The following RBFOX2 variants were observed in gnomAD, a reference collection of about 807,000 sequenced individuals.
The protein encoded by RBFOX2 is RNA binding protein fox-1 homolog 2.
In RBFOX2, 10 loss-of-function variants were observed where a neutral mutation model predicts 49.1. That is an observed-to-expected ratio of 0.20 (90% confidence interval 0.13 to 0.35). The LOEUF (loss-of-function observed/expected upper bound fraction) is 0.35, where lower values mean the gene tolerates loss of function less well. RBFOX2 is among the 10% of genes least tolerant of loss of function. The probability of loss-of-function intolerance (pLI) is 1.00; values close to 1 mark genes in which losing one functional copy is unlikely to be tolerated. For synonymous variants in RBFOX2, 183 were observed against 187.4 expected (o/e 0.98, Z 0.19); for missense variants, 323 against 486.9 (o/e 0.66, Z 3.17).
At position 35,933,949 on chromosome 22, in the gene RBFOX2, T is replaced by TAC. The variant is rs1259956978; in HGVS notation, c.-34+4897_-34+4898insGT. 9.6e-4 allele frequency among the ~76,000 whole-genome samples: 139 copies of TAC among 144,434 alleles called. 2 individuals carry two copies. The highest frequency in any genetic ancestry group is 3.4e-3 in the African/African-American group (130 of 38,178). 94.8% of individuals were successfully genotyped at this position (144,434 alleles called of 152,430 possible). ...TGTTATATATATATATATATATATA[T>TAC]ATATACACACATCAATGAAATAAAT... On this transcript the variant is annotated intron_variant, in intron 1 of 13. Transcript: ENST00000359369.
At chr22:35,823,916 G>A (rs925750853) in intron 1 of RBFOX2, among the ~76,000 whole-genome samples, 4 of 152,130 alleles carry the variant, frequency 2.6e-5, no homozygotes, top group African/African-American at 7.2e-5. Flanking sequence ...GTGGAAGGCC[G>A]AGGCGGGTGG....
Position 36,019,095 on chromosome 22 carries a change from C to T in RBFOX2, c.186+9145G>A, listed in dbSNP as rs559240513. ...AACAAAACTTATAAAATTTGAAACA[C>T]GACATTTTTACTGTTCCTGCCTTCC... On this transcript the variant is annotated intron_variant, in intron 1 of 13. Coordinates refer to the RBFOX2 transcript ENST00000438146. Among the ~76,000 whole-genome samples the T allele has an allele frequency of 7.2e-5, 11 of 152,288 alleles. No individual in the cohort carries two copies. The East Asian group carries it at 1.9e-3, about 27-fold the overall frequency.
rs376472672 is a variant in RBFOX2, at chr22:35,927,141, C to T, written c.-34+11706G>A. Among the ~76,000 whole-genome samples, 63 of 152,184 alleles carry T rather than the reference C, an allele frequency of 4.1e-4. 1 individual carries two copies. The South Asian group carries it at 9.5e-3, about 23-fold the overall frequency. ...TACAGACATGTTAAACGATTTGAAA[C>T]AATCAGAGGCAATAAGGAAAAATTT... On this transcript the variant is annotated intron_variant, in intron 1 of 13. Coordinates refer to the RBFOX2 transcript ENST00000359369.
chr22:35,793,583 A>G (rs1948202237), intron 2 of RBFOX2, among the ~76,000 whole-genome samples: 1 of 152,218 alleles, frequency 6.6e-6, no homozygotes, highest in Admixed American at 6.5e-5. Flanking sequence ...ATATAAGACA[A>G]TTATAATCAA....
At chr22:35,771,661 C>T (rs1389232418) in intron 4 of RBFOX2, among the ~76,000 whole-genome samples, 1 of 152,160 alleles carries the variant, frequency 6.6e-6, no homozygotes, top group Admixed American at 6.5e-5. Flanking sequence ...ATACTTTTCT[C>T]TCATGTTTAA....
intron 1 of RBFOX2, among the ~76,000 whole-genome samples, chr22:35,886,303 T>C (rs1004208413): frequency 2.6e-5 from 4 of 152,112 alleles, no homozygotes; most frequent in Admixed American, 1.3e-4. Flanking sequence ...TATTTAATAA[T>C]AGTGAAAGAT....
At chr22:35,828,330 T>C (rs978096751) in intron 1 of RBFOX2, among the ~76,000 whole-genome samples, 7 of 152,138 alleles carry the variant, frequency 4.6e-5, no homozygotes, top group South Asian at 2.1e-4. Flanking sequence ...CCCCAACTTA[T>C]CACATGGATA....
At chr22:35,840,119 T>C in intron 1 of RBFOX2, 1 of 1,548,438 alleles carries the variant, frequency 6.5e-7, no homozygotes, top group Non-Finnish European at 8.9e-7. Flanking sequence ...CTTCTTACTA[T>C]ACTCCACCCT....
intron 1 of RBFOX2, among the ~76,000 whole-genome samples, chr22:35,877,952 A>G (rs2045353092): frequency 6.6e-6 from 1 of 152,096 alleles, no homozygotes; most frequent in South Asian, 2.1e-4. Context: ...AGCAGCGAAT[A>G]CACCAGACAA....
chr22:35,794,437 T>C lies in RBFOX2; in HGVS notation c.253-12691A>G, dbSNP rs1026286236. Among the ~76,000 whole-genome samples the C allele has an allele frequency of 5.3e-5, 8 of 152,154 alleles. No individual in the cohort carries two copies. In the East Asian group the frequency reaches 1.5e-3, roughly 29 times the overall value. ...ACTTTGGGAGGCTGAGGCAGGTGGA[T>C]CACAAGGTCAGGAGATCGGGACCAT... On this transcript the variant is annotated intron_variant, in intron 2 of 11. Coordinates refer to ENST00000405409, the Ensembl canonical transcript of RBFOX2.
At chr22:35,984,743 A>T (rs1004929413) in intron 1 of RBFOX2, among the ~76,000 whole-genome samples, 2 of 152,190 alleles carry the variant, frequency 1.3e-5, no homozygotes, top group African/African-American at 4.8e-5. Context: ...CGAAAGAAGC[A>T]CAAGAATATA....
intron 1 of RBFOX2, among the ~76,000 whole-genome samples, chr22:35,960,085 C>A (rs1337522829): frequency 3.9e-5 from 6 of 152,118 alleles, no homozygotes; most frequent in Non-Finnish European, 1.5e-5. Flanking sequence ...CCCACAGATA[C>A]AATACGCCAA....
rs187361290 is a variant in RBFOX2, at chr22:35,932,153, G to C, written c.-34+6694C>G. Among the ~76,000 whole-genome samples, 3 of 151,962 alleles carry C rather than the reference G, an allele frequency of 2.0e-5. No homozygotes were observed. The East Asian group carries it at 5.8e-4, about 29-fold the overall frequency. On this transcript the variant is annotated intron_variant, in intron 1 of 13. Transcript: ENST00000359369. ...GTCCTCCATTCCACCAACTATCCCCGAGGGAAGAAAAGTAGTCATCATTTC... is the reference window on the plus strand; with the variant it reads ...GTCCTCCATTCCACCAACTATCCCCCAGGGAAGAAAAGTAGTCATCATTTC...
At chr22:35,880,297 A>G (rs2045717110) in intron 1 of RBFOX2, among the ~76,000 whole-genome samples, 2 of 152,208 alleles carry the variant, frequency 1.3e-5, no homozygotes, top group Non-Finnish European at 2.9e-5. Flanking sequence ...AGCTCAAGTA[A>G]CAGAAAGATG....
intron 9 of RBFOX2, among the ~76,000 whole-genome samples, chr22:35,753,771 CTTTTTTTTTTTTTTTTTT>C (rs869178693): frequency 1.1e-4 from 6 of 54,504 alleles, no homozygotes; most frequent in African/African-American, 4.1e-4. Context: ...GTAGACAAGT[CTTTTTTTTTTTTTTTTTT>C]TTTTTTTTTT....
In RBFOX2 at chr22:35,812,274, GA is replaced by G. The variant is rs371751236; in HGVS notation, c.28-2271del. Among the ~76,000 whole-genome samples the G allele has an allele frequency of 3.3e-3, 412 of 123,202 alleles. 2 individuals carry two copies. Among genetic ancestry groups the G allele is most frequent in the Middle Eastern group, 0.012 (3 of 254 alleles). The allele number at this position is 123,202 out of a possible 152,430, so 80.8% of individuals were successfully genotyped here. Reference sequence around the variant, plus strand: ...GAGTGAGACTCCATCTCAAAAGATAGAAAAAAAAAAAAACCCCTCTCTTTAG... The same window carrying G: ...GAGTGAGACTCCATCTCAAAAGATAGAAAAAAAAAAAACCCCTCTCTTTAG... On this transcript the variant is annotated intron_variant, in intron 1 of 11. Coordinates refer to ENST00000405409, the Ensembl canonical transcript of RBFOX2.
chr22:35,963,737 C>A (rs576119685), upstream of RBFOX2, among the ~76,000 whole-genome samples: 1 of 152,184 alleles, frequency 6.6e-6, no homozygotes, highest in African/African-American at 2.4e-5. Context: ...AGTATATATT[C>A]TTTTTGTTGT....
At chr22:35,949,778 TG>T (rs1372038391) in intron 1 of RBFOX2, among the ~76,000 whole-genome samples, 1 of 152,240 alleles carries the variant, frequency 6.6e-6, no homozygotes, top group African/African-American at 2.4e-5. Context: ...TTTTTGTTGT[TG>T]AGTTGTAAAA....
chr22:35,842,677 A>G (rs2040659946), upstream of RBFOX2, among the ~76,000 whole-genome samples: 1 of 152,154 alleles, frequency 6.6e-6, no homozygotes, highest in Admixed American at 6.5e-5. Flanking sequence ...GGCACTAAGA[A>G]GATAGCATCT....
Sources: gnomAD v4.1 joint callset for allele counts (sites outside exome capture counted in the v4.1 genomes callset) on GRCh38, gnomAD v4.1.1 for gene constraint, MANE v1.5 for transcripts, NCBI Gene and HGNC (gene_info 2026-07-23, HGNC 2026-07-21) for gene names.